The following SWT1 variants were observed in gnomAD, a reference collection of about 807,000 sequenced individuals.
The protein encoded by SWT1 is SWT1 RNA endoribonuclease homolog, also known as transcriptional protein SWT1.
In SWT1, 33 loss-of-function variants were observed where a neutral mutation model predicts 107.3. The ratio of observed to expected loss-of-function variants is 0.31; its 90% CI spans 0.23 to 0.41. The LOEUF is 0.41. SWT1 is among the 10% of genes least tolerant of loss of function. The pLI is 1.00. For synonymous variants in SWT1, 345 were observed against 348.3 expected, an observed-to-expected ratio of 0.99 and a Z score of 0.11; for missense variants, 898 against 1,028.9, an observed-to-expected ratio of 0.87 and a Z score of 1.74.
At chr1:185,268,813 A>G (rs1200694014) in intron 16 of SWT1, among the ~76,000 whole-genome samples, 1 of 151,402 alleles carries the variant, frequency 6.6e-6, no homozygotes, top group African/African-American at 2.4e-5. Context: ...TAGGTATAAA[A>G]TATTCCACAT....
At position 185,184,782 on chromosome 1, in the gene SWT1, T is replaced by C. The variant is rs185477287; in HGVS notation, c.1280T>C (p.Met427Thr). ...GTGTTAATAATTCCCTGGGTCGTTA[T>C]GCAAGAGCTAGATCGTATGAAGGAA... ...KLVLIIPWVV[M>T]QELDRMKEGK... The change falls in exon 9 of 19, where the codon ATG (methionine) becomes ACG (threonine). Residue 427 changes from methionine to threonine, a missense_variant. This residue lies in a region of SWT1 where 5 missense variants were observed against 25.3 expected (regional missense o/e 0.20). Coordinates refer to ENST00000367500, the MANE Select transcript of SWT1 (RefSeq NM_017673.7). 1.9e-6 allele frequency: 3 copies of C among 1,610,766 alleles called. No homozygotes were observed. Among genetic ancestry groups the C allele is most frequent in the East Asian group, 4.5e-5 (2 of 44,654 alleles).
chr1:185,254,317 T>A (rs1436233210), intron 16 of SWT1, among the ~76,000 whole-genome samples: 1 of 133,416 alleles, frequency 7.5e-6, no homozygotes, highest in East Asian at 2.1e-4. Flanking sequence ...GAGGATTCCC[T>A]CTTTTTCTAT....
At chr1:185,218,287 A>G (rs1200637373) in intron 14 of SWT1, among the ~76,000 whole-genome samples, 1 of 152,138 alleles carries the variant, frequency 6.6e-6, no homozygotes, top group African/African-American at 2.4e-5. Flanking sequence ...TAAAATGGAG[A>G]TAAACTAACT....
At chr1:185,223,193 T>C (rs933083901) in intron 15 of SWT1, among the ~76,000 whole-genome samples, 2 of 152,192 alleles carry the variant, frequency 1.3e-5, no homozygotes, top group Non-Finnish European at 2.9e-5. Context: ...TTCCCTTTTC[T>C]GCACATCATT....
At chr1:185,159,144 A>G (rs1429718321) in intron 1 of SWT1, among the ~76,000 whole-genome samples, 2 of 152,224 alleles carry the variant, frequency 1.3e-5, no homozygotes, top group Non-Finnish European at 2.9e-5. Context: ...ATTTAGCCAC[A>G]TACCACTATG....
chr1:185,226,659 C>G, intron 15 of SWT1: 1 of 408,192 alleles, frequency 2.4e-6, no homozygotes, highest in Non-Finnish European at 4.3e-6. Flanking sequence ...TTAGATACTA[C>G]TGATTCAAAT....
At chr1:185,275,058 T>G (rs532082415) in intron 17 of SWT1, among the ~76,000 whole-genome samples, 2 of 152,312 alleles carry the variant, frequency 1.3e-5, no homozygotes, top group South Asian at 4.1e-4. Flanking sequence ...CAACTAGAGA[T>G]AAATGTAGAT....
chr1:185,256,319 T>C (rs1467574880), intron 16 of SWT1, among the ~76,000 whole-genome samples: 2 of 149,678 alleles, frequency 1.3e-5, no homozygotes, highest in Non-Finnish European at 3.0e-5. Context: ...TGAATCTGAA[T>C]GTTGGCCTGC....
chr1:185,228,829 CAT>C (rs780049449), intron 15 of SWT1, among the ~76,000 whole-genome samples: 8 of 151,924 alleles, frequency 5.3e-5, no homozygotes, highest in Non-Finnish European at 1.2e-4. Flanking sequence ...AGGATGGGAG[CAT>C]ATAGTTATTT....
At position 185,244,231 on chromosome 1, in the gene SWT1, C is replaced by A. The variant is rs140139500; in HGVS notation, c.2441+12523C>A. 7.9e-5 allele frequency among the ~76,000 whole-genome samples: 12 copies of A among 152,260 alleles called. No individual in the cohort carries two copies. The East Asian group carries it at 2.3e-3, about 29-fold the overall frequency. ...GGGATTACAGATGTGAGCTACCACA[C>A]CCAGCTAGTCATACATATCTTAATG... On this transcript the variant is annotated intron_variant, in intron 16 of 18. Transcript: ENST00000367500.
chr1:185,178,697 C>G (rs1425862091), intron 5 of SWT1, among the ~76,000 whole-genome samples: 1 of 152,062 alleles, frequency 6.6e-6, no homozygotes, highest in African/African-American at 2.4e-5. Flanking sequence ...TGTAGAATGT[C>G]AAAAGCCACA....
chr1:185,226,347 A>G (rs529969219), intron 15 of SWT1, among the ~76,000 whole-genome samples: 19 of 152,226 alleles, frequency 1.2e-4, no homozygotes, highest in Non-Finnish European at 2.6e-4. Flanking sequence ...GACACATTAT[A>G]GAAGTTTTTC....
At chr1:185,171,953 A>G (rs1655110226) in intron 4 of SWT1, among the ~76,000 whole-genome samples, 3 of 152,222 alleles carry the variant, frequency 2.0e-5, no homozygotes, top group African/African-American at 7.2e-5. Flanking sequence ...ATATATGATG[A>G]AAACTCAGGT....
intron 16 of SWT1, among the ~76,000 whole-genome samples, chr1:185,248,245 T>A (rs988903702): frequency 3.9e-5 from 6 of 152,174 alleles, no homozygotes; most frequent in Non-Finnish European, 8.8e-5. Flanking sequence ...ACATGTTTAA[T>A]CTTAGGGACT....
chr1:185,209,019 G>A (rs7533198), intron 13 of SWT1, among the ~76,000 whole-genome samples: 66,832 of 151,852 alleles, frequency 0.44, 16,055 homozygotes, highest in African/African-American at 0.65. Flanking sequence ...GAACTGCTGT[G>A]GTCCTAAAGA....
At chr1:185,279,006 C>T (rs1664439439) in intron 18 of SWT1, among the ~76,000 whole-genome samples, 1 of 152,190 alleles carries the variant, frequency 6.6e-6, no homozygotes, top group Non-Finnish European at 1.5e-5. Flanking sequence ...TTCAACACAA[C>T]TATGAAAGTT....
At chr1:185,266,553 T>C (rs1355634283) in intron 16 of SWT1, 1 of 152,158 alleles carries the variant, frequency 6.6e-6, no homozygotes, top group African/African-American at 2.4e-5. Flanking sequence ...AAAACTTGAG[T>C]GGCGGTTTAT....
At chr1:185,286,064 T>A (rs1251926429) in intron 18 of SWT1, among the ~76,000 whole-genome samples, 2 of 152,242 alleles carry the variant, frequency 1.3e-5, no homozygotes, top group East Asian at 3.8e-4. Context: ...TAGGATCAGC[T>A]TTTCTGTTTC....
At chr1:185,188,152 A>G (rs1318972944) in intron 9 of SWT1, among the ~76,000 whole-genome samples, 1 of 152,226 alleles carries the variant, frequency 6.6e-6, no homozygotes, top group Admixed American at 6.5e-5. Context: ...ATACATAACC[A>G]GACTGGTCTG....
Sources: allele counts gnomAD v4.1 joint callset (sites outside exome capture counted in the v4.1 genomes callset), GRCh38; gene constraint gnomAD v4.1.1; regional missense constraint gnomAD v4.1.1; transcripts MANE v1.5; gene names NCBI Gene and HGNC (gene_info 2026-07-23, HGNC 2026-07-21).